Variants in AGAP9 observed in about 807,000 individuals in gnomAD.
The protein encoded by AGAP9 is ArfGAP with GTPase domain, ankyrin repeat and PH domain 9.
A neutral mutation model predicts 55.6 loss-of-function variants in AGAP9; 23 were observed. That is an observed-to-expected ratio of 0.41 (90% CI 0.30 to 0.59). AGAP9 has a LOEUF of 0.59. Among genes scored for constraint, AGAP9 ranks in the 20% least tolerant of loss-of-function variants. AGAP9 has a pLI of 0.25. For synonymous variants in AGAP9, 120 were observed against 305.0 expected, an observed-to-expected ratio of 0.39 and a Z score of 6.32; for missense variants, 309 against 808.1, an observed-to-expected ratio of 0.38 and a Z score of 7.49.
Position 47,502,215 on chromosome 10 carries a change from G to T in AGAP9, c.1914C>A (p.Val638=). Reference sequence around the variant, plus strand: ...TCCACCCCGTCAGGAGCTGCTCCAGGACCACATTCCCCTTGCGGCAGGCCA... The same window carrying T: ...TCCACCCCGTCAGGAGCTGCTCCAGTACCACATTCCCCTTGCGGCAGGCCA... ...LHLACRKGNV[V]LEQLLTGWTS... Residue 638 remains valine, a synonymous_variant, in exon 8 of 8, where the codon GTC becomes GTA. Coordinates refer to ENST00000452145, the MANE Select transcript of AGAP9 (RefSeq NM_001190810.1). 6.4e-7 allele frequency: 1 copy of T among 1,560,440 alleles called. No homozygotes were observed. Among genetic ancestry groups the T allele is most frequent in the Non-Finnish European group, 8.7e-7 (1 of 1,155,040 alleles).
At position 47,502,384 on chromosome 10, in the gene AGAP9, C is replaced by A. The variant is rs1470378399; in HGVS notation, c.1745G>T (p.Cys582Phe). The change falls in exon 8 of 8, where the codon TGC (cysteine) becomes TTC (phenylalanine). Residue 582 changes from cysteine to phenylalanine, a missense_variant. Transcript: ENST00000452145. ...CTGCTGGCCCAGGGACAGCTCAGTG[C>A]AGGGTAGTGGGGCCAGAAAGAGCTT... ...EEKLFLAPLPCTELSLGQQLL... is the reference protein window; with the variant it reads ...EEKLFLAPLPFTELSLGQQLL... 1 of 1,609,504 alleles carries A rather than the reference C, an allele frequency of 6.2e-7. No individual in the cohort carries two copies. The highest frequency in any genetic ancestry group is 1.4e-5 in the African/African-American group (1 of 73,910).
intron 4 of AGAP9, among the ~76,000 whole-genome samples, chr10:47,516,490 C>T (rs1237188496): frequency 7.8e-6 from 1 of 128,174 alleles, no homozygotes; most frequent in Non-Finnish European, 1.6e-5. Flanking sequence ...ATTTTAACAT[C>T]TCCACCCAGG....
At chr10:47,520,838 TAAAAAAAAAAA>T (rs1233034365) in intron 2 of AGAP9, among the ~76,000 whole-genome samples, 3 of 89,364 alleles carry the variant, frequency 3.4e-5, no homozygotes, top group Non-Finnish European at 2.1e-5. Context: ...CTCCTTTATT[TAAAAAAAAAAA>T]AAAAAAAAAA....
chr10:47,510,007 G>A (rs1840570627), intron 5 of AGAP9, among the ~76,000 whole-genome samples, 164 bp downstream of exon 5: 1 of 141,870 alleles, frequency 7.0e-6, no homozygotes, highest in Non-Finnish European at 1.5e-5. Context: ...CTTCCACCAC[G>A]ACGTCTAAGA....
intron 4 of AGAP9, among the ~76,000 whole-genome samples, chr10:47,513,041 T>C (rs1840657786): frequency 7.5e-6 from 1 of 132,744 alleles, no homozygotes. Flanking sequence ...TTATCTTTTT[T>C]TTATTTTTTG....
chr10:47,502,350 C>A lies in AGAP9; in HGVS notation c.1779G>T (p.Arg593=), dbSNP rs1315084556. 1.2e-5 allele frequency: 20 copies of A among 1,607,092 alleles called. 1 individual carries two copies. Among genetic ancestry groups the A allele is most frequent in the Non-Finnish European group, 1.6e-5 (19 of 1,178,884 alleles). ...TELSLGQQLL[R]ATTDEDLQTA... The stretch of plus-strand genomic sequence containing the variant: ...TCTGCAGGTCCTCATCAGTGGTGGC[C>A]CGCAGCAGCTGCTGGCCCAGGGACA... The change falls in exon 8 of 8, where the codon CGG becomes CGT. Residue 593 remains arginine, a synonymous_variant. Coordinates refer to ENST00000452145, the MANE Select transcript of AGAP9 (RefSeq NM_001190810.1).
intron 4 of AGAP9, among the ~76,000 whole-genome samples, chr10:47,515,556 G>A (rs1176884735): frequency 1.9e-5 from 1 of 54,038 alleles, no homozygotes; most frequent in Admixed American, 2.4e-4. Context: ...AAGTCTACCT[G>A]TCCTTCCATC....
chr10:47,523,047 C>G, intron 1 of AGAP9, 113 bp from the exon 2 acceptor site: 1 of 537,776 alleles, frequency 1.9e-6, no homozygotes, highest in East Asian at 3.7e-5. Flanking sequence ...TGGTCCCATG[C>G]CAGCCTGGGA....
intron 5 of AGAP9, 95 bp downstream of exon 5, chr10:47,510,076 C>T (rs1840572428): frequency 6.8e-7 from 1 of 1,480,772 alleles, no homozygotes; most frequent in African/African-American, 1.6e-5. Flanking sequence ...TGGTTGACTC[C>T]AATTTCTTAA....
rs1424635970 is a variant in AGAP9 at position 47,506,829 on chromosome 10, C to T, written c.533+719G>A. 1.0e-4 allele frequency among the ~76,000 whole-genome samples: 14 copies of T among 139,310 alleles called. 1 individual carries two copies. The highest frequency in any genetic ancestry group is 6.0e-4 in the East Asian group (2 of 3,344). The allele number at this position is 139,310 out of a possible 152,430, so 91.4% of individuals were successfully genotyped here. A position where few individuals can be genotyped will look rare whatever the true frequency, so the allele number is the denominator to read the frequency against. ...TAAGTTTTTGTATTTTTAGTAGAGA[C>T]GGGGTTTCGCCGTGTTAGCCAGGAT... is the stretch of plus-strand genomic sequence containing the variant. On this transcript the variant is annotated intron_variant, in intron 6 of 7. Transcript: ENST00000452145.
Position 47,506,621 on chromosome 10 carries a change from C to T in AGAP9, c.533+927G>A, listed in dbSNP as rs1396590810. On this transcript the variant is annotated intron_variant, in intron 6 of 7. Transcript: ENST00000452145. ...CTGGGATTACAGGTGTGAACCACTG[C>T]GCCCCACCAGCTTATTGCTTTTTTT... Among the ~76,000 whole-genome samples, 9 of 141,718 alleles carry T rather than the reference C, an allele frequency of 6.4e-5. 1 individual carries two copies. Among genetic ancestry groups the T allele is most frequent in the Admixed American group, 1.4e-4 (2 of 13,802 alleles). 93.0% of individuals were successfully genotyped at this position (141,718 alleles called of 152,430 possible).
At chr10:47,513,055 T>C (rs1167970568) in intron 4 of AGAP9, among the ~76,000 whole-genome samples, 1 of 134,330 alleles carries the variant, frequency 7.4e-6, no homozygotes, top group Non-Finnish European at 1.5e-5. Flanking sequence ...TTTTTTGAGA[T>C]GGAGTCTTGC....
rs1177129568 is a variant in AGAP9, at chr10:47,509,871, G to A, written c.497+300C>T. 1.4e-4 allele frequency among the ~76,000 whole-genome samples: 18 copies of A among 132,706 alleles called. 1 individual carries two copies. The highest frequency in any genetic ancestry group is 1.6e-5 in the Non-Finnish European group (1 of 62,492). 87.1% of individuals were successfully genotyped at this position (132,706 alleles called of 152,430 possible). A position where few individuals can be genotyped will look rare whatever the true frequency, so the allele number is the denominator to read the frequency against. On this transcript the variant is annotated intron_variant, in intron 5 of 7. Coordinates refer to ENST00000452145, the MANE Select transcript of AGAP9 (RefSeq NM_001190810.1). ...GGCCTATGATGCATTGAAAAACTAA[G>A]TTTCCACAAAAAACATTCAATAAAG...
chr10:47,521,841 C>T (rs1284925119), intron 2 of AGAP9, among the ~76,000 whole-genome samples: 5 of 150,768 alleles, frequency 3.3e-5, no homozygotes, highest in Non-Finnish European at 7.4e-5. Context: ...AGTGCATTGG[C>T]GTGATCTCTG....
At chr10:47,510,846 AAAG>A (rs1840600253) in intron 4 of AGAP9, among the ~76,000 whole-genome samples, 3 of 125,860 alleles carry the variant, frequency 2.4e-5, no homozygotes, top group African/African-American at 9.2e-5. Context: ...AAAAAAAAAA[AAAG>A]AAAGAAAAGT....
chr10:47,508,882 A>ATGAG (rs1481341612), intron 5 of AGAP9, among the ~76,000 whole-genome samples: 8 of 120,366 alleles, frequency 6.6e-5, no homozygotes, highest in Non-Finnish European at 9.7e-5. Flanking sequence ...ATTTTGAAAA[A>ATGAG]AACCTTGCAT....
intron 4 of AGAP9, among the ~76,000 whole-genome samples, chr10:47,515,998 T>C (rs1840709398): frequency 7.5e-6 from 1 of 132,604 alleles, no homozygotes. Flanking sequence ...GAGCAAAACT[T>C]TAAAAAAAAA....
chr10:47,505,529 G>C (rs1840458561), intron 6 of AGAP9, among the ~76,000 whole-genome samples: 1 of 136,656 alleles, frequency 7.3e-6, no homozygotes, highest in African/African-American at 2.7e-5. Context: ...ATTTAACTGT[G>C]AACTGAAAAA....
chr10:47,515,934 G>C (rs1840708450), intron 4 of AGAP9, among the ~76,000 whole-genome samples: 1 of 119,970 alleles, frequency 8.3e-6, no homozygotes, highest in Non-Finnish European at 1.7e-5. Context: ...AAGCCTCCAA[G>C]AAAAGAGATC....
Sources: gnomAD v4.1 joint callset for allele counts (sites outside exome capture counted in the v4.1 genomes callset) on GRCh38, gnomAD v4.1.1 for gene constraint, MANE v1.5 for transcripts, NCBI Gene and HGNC (gene_info 2026-07-23, HGNC 2026-07-21) for gene names.